The following CACNA2D1 variants were observed in gnomAD, a reference collection of about 807,000 sequenced individuals.
CACNA2D1 encodes calcium voltage-gated channel auxiliary subunit alpha2delta 1.
In CACNA2D1, 53 loss-of-function variants were observed where a neutral mutation model predicts 171.5. That is an observed-to-expected ratio of 0.31 (90% CI 0.25 to 0.39). The LOEUF (loss-of-function observed/expected upper bound fraction) is 0.39. Among genes scored for constraint, CACNA2D1 ranks in the 10% least tolerant of loss-of-function variants. The probability of loss-of-function intolerance (pLI) is 1.00; values close to 1 mark genes in which losing one functional copy is unlikely to be tolerated. For missense variants in CACNA2D1, 903 were observed against 1,299.8 expected, an observed-to-expected ratio of 0.69 and a Z score of 4.69; for synonymous variants, 442 against 443.1, an observed-to-expected ratio of 1.00 and a Z score of 0.03.
At chr7:81,976,154 A>C (rs62462518) in intron 24 of CACNA2D1, among the ~76,000 whole-genome samples, 16,891 of 151,982 alleles carry the variant, frequency 0.11, 1,370 homozygotes, top group East Asian at 0.35. Context: ...ACTTCAATAA[A>C]ATTTATAATT....
At chr7:82,106,999 C>T (rs534209594) in intron 6 of CACNA2D1, among the ~76,000 whole-genome samples, 181 of 152,266 alleles carry the variant, frequency 1.2e-3, no homozygotes, top group African/African-American at 4.1e-3. Context: ...TTCCTAAGAA[C>T]AGCAGAATTT....
chr7:82,110,905 ATTATT>A (rs1384904065), intron 6 of CACNA2D1, among the ~76,000 whole-genome samples: 1 of 152,048 alleles, frequency 6.6e-6, no homozygotes, highest in Non-Finnish European at 1.5e-5. Flanking sequence ...GATATACACT[ATTATT>A]TTAATTGTTT....
chr7:82,265,824 C>G (rs1231931930), intron 3 of CACNA2D1, among the ~76,000 whole-genome samples: 11 of 152,006 alleles, frequency 7.2e-5, no homozygotes, highest in African/African-American at 2.4e-4. Flanking sequence ...CCCCCCTTAT[C>G]CAGGGTTTAA....
chr7:82,404,442 G>A (rs888395758), intron 1 of CACNA2D1, among the ~76,000 whole-genome samples: 1 of 152,232 alleles, frequency 6.6e-6, no homozygotes, highest in Middle Eastern at 3.4e-3. Context: ...GACACCCCTG[G>A]TTCAAATAAG....
chr7:81,981,027 GATATA>G (rs1278610272), intron 24 of CACNA2D1, among the ~76,000 whole-genome samples: 1 of 152,142 alleles, frequency 6.6e-6, no homozygotes, highest in African/African-American at 2.4e-5. Context: ...TCTGGAAATA[GATATA>G]ATATAGGATT....
chr7:81,977,681 C>T (rs553183568), intron 24 of CACNA2D1, among the ~76,000 whole-genome samples: 1 of 152,240 alleles, frequency 6.6e-6, no homozygotes, highest in South Asian at 2.1e-4. Context: ...TAGGCATGGG[C>T]AAAGCCTTCA....
chr7:81,979,159 G>C (rs1796185394), intron 24 of CACNA2D1, among the ~76,000 whole-genome samples: 1 of 152,054 alleles, frequency 6.6e-6, no homozygotes, highest in African/African-American at 2.4e-5. Flanking sequence ...ATTAGTGGTT[G>C]TTTGGGTCTG....
chr7:82,244,172 T>G (rs149055164), intron 3 of CACNA2D1, among the ~76,000 whole-genome samples: 1 of 152,252 alleles, frequency 6.6e-6, no homozygotes, highest in East Asian at 1.9e-4. Flanking sequence ...GGAAACAACA[T>G]GCATTCTTGT....
intron 7 of CACNA2D1, among the ~76,000 whole-genome samples, chr7:82,069,175 T>C (rs796914613): frequency 1.3e-5 from 2 of 152,274 alleles, no homozygotes; most frequent in African/African-American, 4.8e-5. Flanking sequence ...ATTCCTTATA[T>C]AGGCTCAGAA....
intron 4 of CACNA2D1, among the ~76,000 whole-genome samples, chr7:82,154,759 C>G (rs758658351): frequency 3.3e-5 from 5 of 152,066 alleles, no homozygotes; most frequent in Non-Finnish European, 5.9e-5. Context: ...AAAATGAACA[C>G]TAGTTGGTCT....
At chr7:82,237,308 C>T (rs1803707790) in intron 3 of CACNA2D1, among the ~76,000 whole-genome samples, 1 of 151,872 alleles carries the variant, frequency 6.6e-6, no homozygotes, top group South Asian at 2.1e-4. Context: ...AAAAGACAGT[C>T]TAATAACTAA....
intron 12 of CACNA2D1, among the ~76,000 whole-genome samples, chr7:82,032,261 T>C (rs968366658): frequency 6.6e-6 from 1 of 151,944 alleles, no homozygotes; most frequent in Non-Finnish European, 1.5e-5. Flanking sequence ...TTTCTTTTAA[T>C]ACATTATACC....
At chr7:82,080,535 T>C (rs1809619697) in intron 7 of CACNA2D1, among the ~76,000 whole-genome samples, 1 of 152,020 alleles carries the variant, frequency 6.6e-6, no homozygotes, top group South Asian at 2.1e-4. Context: ...TACAAGACAA[T>C]CAGTTAACTT....
intron 10 of CACNA2D1, among the ~76,000 whole-genome samples, chr7:82,055,457 T>G (rs1179722772): frequency 6.6e-6 from 1 of 151,942 alleles, no homozygotes; most frequent in Non-Finnish European, 1.5e-5. Flanking sequence ...TAAAGACACA[T>G]GCACACGTAT....
At chr7:82,210,367 C>A (rs1333810195) in intron 3 of CACNA2D1, among the ~76,000 whole-genome samples, 1 of 152,128 alleles carries the variant, frequency 6.6e-6, no homozygotes, top group Non-Finnish European at 1.5e-5. Flanking sequence ...TCTGGAAAAA[C>A]GGTAACAATA....
chr7:81,962,367 G>A (rs1794237466), intron 35 of CACNA2D1, 73 bp downstream of exon 35: 4 of 1,035,774 alleles, frequency 3.9e-6, no homozygotes, highest in Non-Finnish European at 5.9e-6. Flanking sequence ...CTCTGAATTT[G>A]TTGAACTTCA....
At chr7:82,435,259 T>C (rs1830026512) in intron 1 of CACNA2D1, among the ~76,000 whole-genome samples, 1 of 151,832 alleles carries the variant, frequency 6.6e-6, no homozygotes, top group Admixed American at 6.6e-5. Context: ...ATTGTCTCGA[T>C]CTCTCCTGAC....
At chr7:81,962,229 C>T (rs1196955897) in intron 35 of CACNA2D1, among the ~76,000 whole-genome samples, 1 of 151,814 alleles carries the variant, frequency 6.6e-6, no homozygotes, top group Non-Finnish European at 1.5e-5. Context: ...AATTCAAATA[C>T]AAGATGGCTA....
chr7:82,282,240 G>A (rs1001974539), intron 3 of CACNA2D1, among the ~76,000 whole-genome samples: 3 of 152,210 alleles, frequency 2.0e-5, no homozygotes, highest in Non-Finnish European at 4.4e-5. Context: ...GGAGGTTGCA[G>A]TAAGCAGAGA....
Sources: gnomAD v4.1 joint callset for allele counts (sites outside exome capture counted in the v4.1 genomes callset) on GRCh38, gnomAD v4.1.1 for gene constraint, MANE v1.5 for transcripts, NCBI Gene and HGNC (gene_info 2026-07-23, HGNC 2026-07-21) for gene names.